Variants in CDH6 observed in about 807,000 individuals in gnomAD.
CDH6 encodes cadherin-6.
Under a neutral mutation model 78.0 loss-of-function variants are expected in CDH6, and 31 were observed. The observed-to-expected ratio is 0.40, with a 90% CI of 0.30 to 0.54. CDH6 has a LOEUF of 0.54. Ranked by LOEUF, CDH6 falls within the 20% of genes least tolerant of loss-of-function variation. The probability of loss-of-function intolerance (pLI) is 0.56; values close to 1 mark genes in which losing one functional copy is unlikely to be tolerated. For synonymous variants in CDH6, 376 were observed against 368.8 expected (o/e 1.02, Z -0.23); for missense variants, 724 against 975.9 (o/e 0.74, Z 3.44).
intron 2 of CDH6, among the ~76,000 whole-genome samples, chr5:31,285,695 G>T (rs557238021): frequency 1.3e-5 from 2 of 152,146 alleles, no homozygotes; most frequent in Non-Finnish European, 2.9e-5. Context: ...TTGAAATATA[G>T]TTCGGTAAAA....
At chr5:31,264,112 T>C (rs1579863021) in intron 1 of CDH6, among the ~76,000 whole-genome samples, 2 of 152,242 alleles carry the variant, frequency 1.3e-5, no homozygotes, top group East Asian at 3.8e-4. Flanking sequence ...AAATGCTGAA[T>C]TGAAGTCCAC....
chr5:31,215,252 T>C (rs1740831418), intron 1 of CDH6, among the ~76,000 whole-genome samples: 1 of 152,164 alleles, frequency 6.6e-6, no homozygotes, highest in Admixed American at 6.5e-5. Context: ...TAGGTTTCAA[T>C]ATAGTTTCTA....
At chr5:31,226,099 A>G (rs1417418644) in intron 1 of CDH6, among the ~76,000 whole-genome samples, 1 of 152,188 alleles carries the variant, frequency 6.6e-6, no homozygotes, top group Non-Finnish European at 1.5e-5. Context: ...TAAGTAGCCC[A>G]TTGGGTAGGA....
At chr5:31,221,815 A>C (rs1484232701) in intron 1 of CDH6, among the ~76,000 whole-genome samples, 1 of 152,222 alleles carries the variant, frequency 6.6e-6, no homozygotes, top group Non-Finnish European at 1.5e-5. Context: ...AGAATATTAC[A>C]CATGAAACTT....
intron 2 of CDH6, among the ~76,000 whole-genome samples, chr5:31,286,380 G>C (rs1439293570): frequency 6.6e-6 from 1 of 152,186 alleles, no homozygotes; most frequent in African/African-American, 2.4e-5. Flanking sequence ...GCTTCTCTGA[G>C]GTGATAAAGA....
At chr5:31,306,344 T>C (rs531107389) in intron 7 of CDH6, among the ~76,000 whole-genome samples, 1 of 152,304 alleles carries the variant, frequency 6.6e-6, no homozygotes, top group East Asian at 1.9e-4. Context: ...TACACCTTAG[T>C]TGTAAATCAT....
chr5:31,242,237 A>G (rs1469907489), intron 1 of CDH6, among the ~76,000 whole-genome samples: 1 of 152,206 alleles, frequency 6.6e-6, no homozygotes, highest in Non-Finnish European at 1.5e-5. Context: ...TGAGATTTAC[A>G]TGTAATAATG....
chr5:31,284,451 AG>A (rs1211071065), intron 2 of CDH6, among the ~76,000 whole-genome samples: 2 of 152,254 alleles, frequency 1.3e-5, no homozygotes, highest in Non-Finnish European at 2.9e-5. Flanking sequence ...GTTTGGGTAA[AG>A]GTGAAAGCAG....
At chr5:31,303,361 A>G (rs1737887586) in intron 6 of CDH6, among the ~76,000 whole-genome samples, 1 of 152,268 alleles carries the variant, frequency 6.6e-6, no homozygotes, top group South Asian at 2.1e-4. Context: ...AGTGATCAAG[A>G]TGACTTGCAT....
At position 31,303,192 on chromosome 5, in the gene CDH6, G is replaced by C. The variant is rs906744444; in HGVS notation, c.999+894G>C. ...ATAAACAGTGCCAGACATTGCTCTA[G>C]GTGCTGGAGGTGCACTGGTACATAC... On this transcript the variant is annotated intron_variant, in intron 6 of 11. Transcript: ENST00000265071. Among the ~76,000 whole-genome samples the C allele has an allele frequency of 2.6e-5, 4 of 152,150 alleles. No individual in the cohort carries two copies. In the East Asian group the frequency reaches 7.7e-4, roughly 29 times the overall value.
intron 1 of CDH6, among the ~76,000 whole-genome samples, chr5:31,225,546 T>C (rs1017782257): frequency 2.6e-5 from 4 of 151,984 alleles, no homozygotes; most frequent in Non-Finnish European, 4.4e-5. Flanking sequence ...ATCTTGGTGG[T>C]TGGCGAAGGG....
intron 1 of CDH6, among the ~76,000 whole-genome samples, chr5:31,208,559 C>G (rs1740604319): frequency 6.6e-6 from 1 of 152,116 alleles, no homozygotes; most frequent in Admixed American, 6.5e-5. Flanking sequence ...TTTGGTTACT[C>G]TACTCCAAGG....
Position 31,317,423 on chromosome 5 carries a change from C to T in CDH6, c.1561C>T (p.His521Tyr). 1 of 1,611,928 alleles carries T rather than the reference C, an allele frequency of 6.2e-7. No individual in the cohort carries two copies. The highest frequency in any genetic ancestry group is 8.5e-7 in the Non-Finnish European group (1 of 1,178,064). The change falls in exon 10 of 12, where the codon CAC (histidine) becomes TAC (tyrosine). Residue 521 changes from histidine (H) to tyrosine (Y), a missense_variant. His to Tyr is a moderately conservative substitution (Grantham distance 83). Coordinates refer to ENST00000265071, the MANE Select transcript of CDH6 (RefSeq NM_004932.4). ...AVDKDDPYSGHQFSFSLAPEA... is the reference protein window; with the variant it reads ...AVDKDDPYSGYQFSFSLAPEA... ...TGACAAGGATGACCCTTATAGTGGACACCAATTTTCGTTTTCCTTGGCCCC... is the reference window on the plus strand; with the variant it reads ...TGACAAGGATGACCCTTATAGTGGATACCAATTTTCGTTTTCCTTGGCCCC...
chr5:31,238,995 A>G (rs918637700), intron 1 of CDH6, among the ~76,000 whole-genome samples: 1 of 152,258 alleles, frequency 6.6e-6, no homozygotes, highest in Non-Finnish European at 1.5e-5. Flanking sequence ...ACCAATGGCT[A>G]GAACAACCAT....
rs1182835855 is a variant in CDH6 at position 31,294,287 on chromosome 5, G to T, written c.523+31G>T. 1 of 1,587,338 alleles carries T rather than the reference G, an allele frequency of 6.3e-7. No individual in the cohort carries two copies. The highest frequency in any genetic ancestry group is 8.6e-7 in the Non-Finnish European group (1 of 1,165,360). ...TGAGACGTGACTTCAGCCAAAAGCT[G>T]GCTTTCCCCTAGTGCATCCACTGAG... On this transcript the variant is annotated intron_variant, in intron 3 of 11. Coordinates refer to ENST00000265071, the MANE Select transcript of CDH6 (RefSeq NM_004932.4). This position sits in a 1 kb window ranked among gnomAD's most constrained non-coding sequence, Gnocchi z 4.1.
At chr5:31,315,356 G>A (rs1323703273) in intron 8 of CDH6, among the ~76,000 whole-genome samples, 3 of 152,158 alleles carry the variant, frequency 2.0e-5, no homozygotes, top group African/African-American at 7.2e-5. Flanking sequence ...TTAGGTATTA[G>A]ATGCTCACTA....
intron 1 of CDH6, among the ~76,000 whole-genome samples, chr5:31,253,300 A>T (rs1052172488): frequency 6.6e-6 from 1 of 152,196 alleles, no homozygotes; most frequent in Non-Finnish European, 1.5e-5. Flanking sequence ...TCTCATGATA[A>T]TGAGTGAGTT....
chr5:31,318,048 C>A, intron 11 of CDH6, 124 bp downstream of exon 11: 2 of 1,149,784 alleles, frequency 1.7e-6, no homozygotes, highest in Non-Finnish European at 2.6e-6. Context: ...AGTCGAGTTA[C>A]ATACTGAGAA....
At position 31,302,954 on chromosome 5, in the gene CDH6, A is replaced by AGAAG. The variant is rs1329499190; in HGVS notation, c.999+660_999+663dup. On this transcript the variant is annotated intron_variant, in intron 6 of 11. Coordinates refer to ENST00000265071, the MANE Select transcript of CDH6 (RefSeq NM_004932.4). ...AAGAAAGAAAGAAAGAAAGAAAGAA[A>AGAAG]GAAGGAAAGAAAAGAAAGAAAGAAA... Among the ~76,000 whole-genome samples the AGAAG allele has an allele frequency of 1.4e-3, 182 of 129,732 alleles. 3 individuals carry two copies. Among genetic ancestry groups the AGAAG allele is most frequent in the South Asian group, 8.7e-3 (34 of 3,914 alleles). The allele number at this position is 129,732 out of a possible 152,430, so 85.1% of individuals were successfully genotyped here. A position where few individuals can be genotyped will look rare whatever the true frequency, so the allele number is the denominator to read the frequency against.
Sources: gnomAD v4.1 joint callset for allele counts (sites outside exome capture counted in the v4.1 genomes callset) on GRCh38, gnomAD v4.1.1 for gene constraint, Gnocchi (gnomAD v3.1) non-coding constraint, MANE v1.5 for transcripts, NCBI Gene and HGNC (gene_info 2026-07-23, HGNC 2026-07-21) for gene names.